The following SHQ1 variants were observed in gnomAD, a reference collection of about 807,000 sequenced individuals.
SHQ1 encodes the protein SHQ1, H/ACA ribonucleoprotein assembly factor, also known as protein SHQ1 homolog.
SHQ1 carries 49 observed loss-of-function variants against 53.8 expected under a neutral mutation model. The observed-to-expected ratio is 0.91, with a 90% CI of 0.72 to 1.16. The LOEUF is 1.16. Ranked by LOEUF, SHQ1 falls within the 50% of genes most tolerant of loss-of-function variation. The pLI is 0.00. For missense variants in SHQ1, 738 were observed against 683.1 expected, an observed-to-expected ratio of 1.08 and a Z score of -0.90; for synonymous variants, 243 against 251.0, an observed-to-expected ratio of 0.97 and a Z score of 0.30.
chr3:72,747,782 G>T, downstream of SHQ1, among the ~76,000 whole-genome samples: 1 of 152,198 alleles, frequency 6.6e-6, no homozygotes, highest in East Asian at 1.9e-4. Context: ...GAGGTCAGGA[G>T]TTCGAGACCA....
intron 10 of SHQ1, among the ~76,000 whole-genome samples, chr3:72,787,596 T>C (rs1477080391): frequency 6.6e-6 from 1 of 151,408 alleles, no homozygotes; most frequent in Non-Finnish European, 1.5e-5. Flanking sequence ...TAATGGATAT[T>C]ATGTTATAAA....
rs1484677296 is a variant in SHQ1 at position 72,848,377 on chromosome 3, T to C, written c.-37A>G. 1.5e-5 allele frequency: 24 copies of C among 1,608,594 alleles called. No individual in the cohort carries two copies. The highest frequency in any genetic ancestry group is 2.0e-5 in the Non-Finnish European group (24 of 1,177,146). On this transcript the variant is annotated 5_prime_UTR_variant, in exon 1 of 11. Coordinates refer to ENST00000325599, the MANE Select transcript of SHQ1 (RefSeq NM_018130.3). ...ACGCAAGGGCCGGCGCCGCTCGCTC[T>C]CACTGCCGCCGCGTTCCCGCCACGC... is the stretch of plus-strand genomic sequence containing the variant.
chr3:72,761,926 G>T (rs146720057), intron 10 of SHQ1, among the ~76,000 whole-genome samples: 227 of 152,206 alleles, frequency 1.5e-3, no homozygotes, highest in African/African-American at 5.3e-3. Context: ...TAAACAGGTG[G>T]GCTACATGTT....
chr3:72,731,562 C>G, the SHQ1 span, among the ~76,000 whole-genome samples: 1 of 150,728 alleles, frequency 6.6e-6, no homozygotes, highest in East Asian at 2.0e-4. Context: ...GTGGCAGGCA[C>G]CTGTAATCCC....
At chr3:72,806,992 C>T (rs1706971856) in intron 9 of SHQ1, among the ~76,000 whole-genome samples, 2 of 152,196 alleles carry the variant, frequency 1.3e-5, no homozygotes, top group African/African-American at 2.4e-5. Flanking sequence ...AATTATTTTT[C>T]TAGTGCTCTT....
In SHQ1 at chr3:72,759,273, C is replaced by T. The variant is rs1705563159; in HGVS notation, c.1182-8437G>A. ...CACAGGGCATCACTATAACACAGTA[C>T]ACCCTGTAGAGCTGAAATCAATAGT... On this transcript the variant is annotated intron_variant, in intron 10 of 10. Transcript: ENST00000325599. Among the ~76,000 whole-genome samples the T allele has an allele frequency of 3.9e-5, 6 of 152,192 alleles. No homozygotes were observed. In the South Asian group the frequency reaches 1.2e-3, roughly 32 times the overall value.
chr3:72,778,279 G>A (rs952476620), intron 10 of SHQ1, among the ~76,000 whole-genome samples: 2 of 151,978 alleles, frequency 1.3e-5, no homozygotes, highest in Admixed American at 1.3e-4. Context: ...GGGTAACAAA[G>A]CAAGACTCTA....
chr3:72,728,275 A>T, the SHQ1 span, among the ~76,000 whole-genome samples: 1 of 152,174 alleles, frequency 6.6e-6, no homozygotes, highest in Non-Finnish European at 1.5e-5. Flanking sequence ...CTCTGGGTTG[A>T]TGGGGCTTCA....
intron 10 of SHQ1, among the ~76,000 whole-genome samples, chr3:72,765,690 A>G (rs761614748): frequency 1.5e-4 from 22 of 151,030 alleles, no homozygotes; most frequent in Non-Finnish European, 3.2e-4. Context: ...AGTGGCTGGG[A>G]TTACAGGCAC....
At chr3:72,826,864 T>A (rs1707675648) in intron 5 of SHQ1, among the ~76,000 whole-genome samples, 1 of 152,164 alleles carries the variant, frequency 6.6e-6, no homozygotes, top group Admixed American at 6.5e-5. Context: ...GTTTAAAAAA[T>A]CTCAAAGATT....
intron 4 of SHQ1, among the ~76,000 whole-genome samples, chr3:72,835,497 T>A (rs561602042): frequency 6.6e-6 from 1 of 152,308 alleles, no homozygotes; most frequent in South Asian, 2.1e-4. Context: ...CTTCATTATT[T>A]CACCTTGACC....
At chr3:72,765,811 C>T (rs1450107465) in intron 10 of SHQ1, among the ~76,000 whole-genome samples, 4 of 151,890 alleles carry the variant, frequency 2.6e-5, no homozygotes, top group African/African-American at 9.7e-5. Context: ...CCTTGGCCTC[C>T]CAAAGTTCTA....
At chr3:72,736,667 C>T in the SHQ1 span, among the ~76,000 whole-genome samples, 2 of 148,200 alleles carry the variant, frequency 1.3e-5, no homozygotes, top group African/African-American at 2.5e-5. Context: ...GTGGCAGGCA[C>T]CTGTAATCCC....
At chr3:72,737,757 C>G in the SHQ1 span, among the ~76,000 whole-genome samples, 2 of 152,146 alleles carry the variant, frequency 1.3e-5, no homozygotes, top group Non-Finnish European at 2.9e-5. Flanking sequence ...TGGAATTATC[C>G]TTTTTATTTT....
intron 2 of SHQ1, among the ~76,000 whole-genome samples, chr3:72,843,838 A>C (rs1708250299): frequency 6.6e-6 from 1 of 152,108 alleles, no homozygotes; most frequent in Non-Finnish European, 1.5e-5. Flanking sequence ...AAATCCGATG[A>C]CAAAGGAAGC....
intron 5 of SHQ1, among the ~76,000 whole-genome samples, chr3:72,827,777 C>CA (rs1707704522): frequency 8.4e-6 from 1 of 119,358 alleles, no homozygotes. Flanking sequence ...TTTTTTGAGA[C>CA]AGAGTCTCAC....
intron 10 of SHQ1, among the ~76,000 whole-genome samples, chr3:72,758,567 C>CTTTT (rs869225766): frequency 6.3e-5 from 8 of 126,112 alleles, no homozygotes; most frequent in African/African-American, 2.4e-4. Context: ...ACTATTTTTT[C>CTTTT]TTTTTTTTTT....
intron 10 of SHQ1, chr3:72,773,082 G>A: frequency 1.2e-6 from 1 of 824,294 alleles, no homozygotes; most frequent in Non-Finnish European, 2.1e-6. Context: ...ACTCGGAAAT[G>A]AGTGAGGAAA....
intron 5 of SHQ1, 85 bp from the exon 6 acceptor site, chr3:72,824,636 C>T (rs560290599): frequency 7.0e-7 from 1 of 1,432,382 alleles, no homozygotes; most frequent in African/African-American, 1.4e-5. Context: ...CATATTTGTA[C>T]TAGAAATACA....
Sources: gnomAD v4.1 joint callset for allele counts (sites outside exome capture counted in the v4.1 genomes callset) on GRCh38, gnomAD v4.1.1 for gene constraint, MANE v1.5 for transcripts, NCBI Gene and HGNC (gene_info 2026-07-23, HGNC 2026-07-21) for gene names.